The following PLEKHA7 variants were observed in gnomAD, a reference collection of about 807,000 sequenced individuals.
PLEKHA7 encodes pleckstrin homology domain containing A7.
A neutral mutation model predicts 170.0 loss-of-function variants in PLEKHA7; 104 were observed. The ratio of observed to expected loss-of-function variants is 0.61; its 90% CI spans 0.52 to 0.72. The LOEUF (loss-of-function observed/expected upper bound fraction) is 0.72. Ranked by LOEUF, PLEKHA7 falls within the 30% of genes least tolerant of loss-of-function variation. The probability of loss-of-function intolerance (pLI) is 0.00; values close to 1 mark genes in which losing one functional copy is unlikely to be tolerated. For synonymous variants in PLEKHA7, 648 were observed against 660.8 expected (o/e 0.98, Z 0.30); for missense variants, 1,615 against 1,671.7 (o/e 0.97, Z 0.59).
At chr11:16,986,437 C>A (rs971887329) in intron 3 of PLEKHA7, among the ~76,000 whole-genome samples, 1 of 152,076 alleles carries the variant, frequency 6.6e-6, no homozygotes, top group Non-Finnish European at 1.5e-5. Flanking sequence ...AAAAGTGCAG[C>A]CCCACCAGAG....
At position 16,800,051 on chromosome 11, in the gene PLEKHA7, G is replaced by C. The variant is rs77487886; in HGVS notation, c.2409+923C>G. ...TTAAATCACTTAAACAAAGAGCCTT[G>C]GTTAGAACTATCTTATCAGTTAGCA... On this transcript the variant is annotated intron_variant, in intron 17 of 26. Coordinates refer to ENST00000531066, the MANE Select transcript of PLEKHA7 (RefSeq NM_001329630.2). Among the ~76,000 whole-genome samples the C allele has an allele frequency of 3.1e-3, 476 of 152,308 alleles. 1 individual carries two copies. Among genetic ancestry groups the C allele is most frequent in the African/African-American group, 0.011 (460 of 41,564 alleles).
Position 16,789,425 on chromosome 11 carries a change from T to G in PLEKHA7, c.3157-129A>C. 7 of 872,040 alleles carry G rather than the reference T, an allele frequency of 8.0e-6. No individual in the cohort carries two copies. The highest frequency in any genetic ancestry group is 1.3e-5 in the Non-Finnish European group (7 of 559,360). The allele number at this position is 872,040 out of a possible 1,614,324, so 54.0% of individuals were successfully genotyped here. ...CATGCACACTCTAGTTGGGCTCCTC[T>G]TGGCCTTAGAGAACTATTTCCTCTA... On this transcript the variant is annotated intron_variant, in intron 22 of 26. Transcript: ENST00000531066. The surrounding 1 kb of genome is among the most constrained non-coding windows in gnomAD (Gnocchi z 4.6).
rs755389664 is a variant in PLEKHA7 at position 17,014,194 on chromosome 11, G to C, written c.94C>G (p.Leu32Val). 3.8e-6 allele frequency: 6 copies of C among 1,589,414 alleles called. No homozygotes were observed. The highest frequency in any genetic ancestry group is 3.4e-5 in the Admixed American group (2 of 58,058). The change falls in exon 2 of 27, where the codon CTC (leucine) becomes GTC (valine). Residue 32 changes from leucine (L) to valine (V), a missense_variant. Physicochemically the swap from Leu to Val is conservative, Grantham distance 32. Transcript: ENST00000531066. Reference sequence around the variant, plus strand: ...GGATGCAGCCAGGTCGTGCAGCGGAGCTGGTCACTGCGGGCAGAGAGGTGC... The same window carrying C: ...GGATGCAGCCAGGTCGTGCAGCGGACCTGGTCACTGCGGGCAGAGAGGTGC... ...DGRVFFINDQ[L>V]RCTTWLHPRT...
At chr11:16,966,107 C>G (rs927219442) in intron 3 of PLEKHA7, among the ~76,000 whole-genome samples, 1 of 152,142 alleles carries the variant, frequency 6.6e-6, no homozygotes, top group Non-Finnish European at 1.5e-5. Context: ...CACTTGAACT[C>G]AGGAGGTGGG....
intron 3 of PLEKHA7, among the ~76,000 whole-genome samples, chr11:17,004,196 T>C (rs1286717198): frequency 1.3e-5 from 2 of 152,166 alleles, no homozygotes; most frequent in African/African-American, 4.8e-5. Context: ...TCAATGAGTT[T>C]TTGGACAGAA....
At chr11:16,871,809 G>A (rs1370071545) in intron 3 of PLEKHA7, among the ~76,000 whole-genome samples, 5 of 152,156 alleles carry the variant, frequency 3.3e-5, no homozygotes, top group Non-Finnish European at 7.3e-5. Flanking sequence ...AAAGTGTGTA[G>A]GTGTTTTGTG....
intron 3 of PLEKHA7, among the ~76,000 whole-genome samples, chr11:16,871,849 A>T (rs1854879731): frequency 6.6e-6 from 1 of 152,234 alleles, no homozygotes. Context: ...GTTCTTTGAA[A>T]GGGAGGAGGA....
intron 3 of PLEKHA7, among the ~76,000 whole-genome samples, chr11:16,876,154 A>C (rs559592054): frequency 1.0e-3 from 152 of 152,292 alleles, no homozygotes; most frequent in African/African-American, 3.6e-3. Context: ...CCTGATTCTA[A>C]CACCCATGAA....
rs528608017 is a variant in PLEKHA7, at chr11:16,799,206, G to A, written c.2409+1768C>T. Reference sequence around the variant, plus strand: ...TTAACTGTCCTGGAAAGATTTCCACGATATCAGGTTATGACAAAAAAAGTG... The same window carrying A: ...TTAACTGTCCTGGAAAGATTTCCACAATATCAGGTTATGACAAAAAAAGTG... On this transcript the variant is annotated intron_variant, in intron 17 of 26. Transcript: ENST00000531066. Among the ~76,000 whole-genome samples, 7 of 152,300 alleles carry A rather than the reference G, an allele frequency of 4.6e-5. No individual in the cohort carries two copies. The South Asian group carries it at 1.5e-3, about 32-fold the overall frequency.
At chr11:16,936,965 G>A (rs1860347600) in intron 3 of PLEKHA7, among the ~76,000 whole-genome samples, 1 of 152,222 alleles carries the variant, frequency 6.6e-6, no homozygotes. Context: ...ATGTGACCTT[G>A]GGCAAGCTGT....
At chr11:16,870,172 G>A (rs1854713659) in intron 4 of PLEKHA7, among the ~76,000 whole-genome samples, 1 of 152,298 alleles carries the variant, frequency 6.6e-6, no homozygotes, top group Admixed American at 6.5e-5. Context: ...TAGGAAAAGA[G>A]AACAGAAAGA....
At position 16,789,828 on chromosome 11, in the gene PLEKHA7, A is replaced by G; in HGVS notation, c.3103T>C (p.Tyr1035His). ...RLQQSSTIAPYVTLRRGLNAE... is the reference protein window; with the variant it reads ...RLQQSSTIAPHVTLRRGLNAE... ...TTGAGACCCCTCCGGAGTGTGACGT[A>G]GGGAGCAATGGTGGACGACTGCTGG... Residue 1035 changes from tyrosine (Y) to histidine (H), a missense_variant, in exon 22 of 27, where the codon TAC becomes CAC. Transcript: ENST00000531066. This position sits in a 1 kb window ranked among gnomAD's most constrained non-coding sequence, Gnocchi z 4.6. 2 of 1,614,112 alleles carry G rather than the reference A, an allele frequency of 1.2e-6. No individual in the cohort carries two copies. Among genetic ancestry groups the G allele is most frequent in the Middle Eastern group, 3.3e-4 (2 of 6,060 alleles).
At chr11:16,841,983 G>A (rs1378359342) in intron 8 of PLEKHA7, among the ~76,000 whole-genome samples, 2 of 152,182 alleles carry the variant, frequency 1.3e-5, no homozygotes, top group African/African-American at 4.8e-5. Flanking sequence ...TGGGAGTTGG[G>A]AGTGTGCACA....
At chr11:16,943,607 T>C (rs951707521) in intron 3 of PLEKHA7, among the ~76,000 whole-genome samples, 1 of 152,226 alleles carries the variant, frequency 6.6e-6, no homozygotes, top group Non-Finnish European at 1.5e-5. Context: ...TGACTCTGAT[T>C]AAGTCATTGG....
rs924464986 is a variant in PLEKHA7, at chr11:16,791,650, G to A, written c.2746-451C>T. ...CTGAGCCGGCTCATTGGCCCTACAC[G>A]AGCTCTGGCGCCTTCAGCAAGGTGG... On this transcript the variant is annotated intron_variant, in intron 19 of 26. Coordinates refer to ENST00000531066, the MANE Select transcript of PLEKHA7 (RefSeq NM_001329630.2). This position sits in a 1 kb window ranked among gnomAD's most constrained non-coding sequence, Gnocchi z 4.5. 4.4e-5 allele frequency: 20 copies of A among 459,694 alleles called. No homozygotes were observed. The highest frequency in any genetic ancestry group is 2.4e-4 in the African/African-American group (12 of 50,190). 28.5% of individuals were successfully genotyped at this position (459,694 alleles called of 1,614,324 possible). A position where few individuals can be genotyped will look rare whatever the true frequency, so the allele number is the denominator to read the frequency against.
intron 23 of PLEKHA7, 124 bp from the exon 24 acceptor site, chr11:16,786,511 T>C (rs779884434): frequency 4.3e-5 from 63 of 1,476,520 alleles, no homozygotes; most frequent in Non-Finnish European, 5.3e-5. Context: ...AAAAGCTGTA[T>C]GTGCAATAGA....
intron 3 of PLEKHA7, among the ~76,000 whole-genome samples, chr11:16,992,238 C>T (rs186889507): frequency 5.3e-5 from 8 of 152,304 alleles, no homozygotes; most frequent in Middle Eastern, 3.4e-3. Flanking sequence ...CCACTCCCCT[C>T]GCCACTGAAG....
At chr11:16,848,578 G>A (rs978356969) in intron 8 of PLEKHA7, among the ~76,000 whole-genome samples, 4 of 152,208 alleles carry the variant, frequency 2.6e-5, no homozygotes, top group Non-Finnish European at 5.9e-5. Flanking sequence ...TAATGGATCT[G>A]GTGGCAGATG....
chr11:16,829,879 T>C (rs946640489), intron 9 of PLEKHA7, among the ~76,000 whole-genome samples: 16 of 152,250 alleles, frequency 1.1e-4, no homozygotes, highest in African/African-American at 3.9e-4. Flanking sequence ...TTTCACACGA[T>C]AGGTTTTAGC....
Sources: gnomAD v4.1 joint callset for allele counts (sites outside exome capture counted in the v4.1 genomes callset) on GRCh38, gnomAD v4.1.1 for gene constraint, Gnocchi (gnomAD v3.1) non-coding constraint, MANE v1.5 for transcripts, NCBI Gene and HGNC (gene_info 2026-07-23, HGNC 2026-07-21) for gene names.